The following SATB2 variants were observed in gnomAD, a reference collection of about 807,000 sequenced individuals.
SATB2 encodes DNA-binding protein SATB2.
A neutral mutation model predicts 73.4 loss-of-function variants in SATB2; 1 was observed. That is an observed-to-expected ratio of 0.01 (90% CI 0.00 to 0.06). The LOEUF (loss-of-function observed/expected upper bound fraction) is 0.06. SATB2 is among the 10% of genes least tolerant of loss of function. SATB2 has a pLI of 1.00. For missense variants in SATB2, 459 were observed against 945.8 expected, an observed-to-expected ratio of 0.49 and a Z score of 6.75; for synonymous variants, 397 against 367.0, an observed-to-expected ratio of 1.08 and a Z score of -0.93.
At chr2:199,303,010 C>A (rs1687330480) in intron 10 of SATB2, among the ~76,000 whole-genome samples, 1 of 152,168 alleles carries the variant, frequency 6.6e-6, no homozygotes, top group Non-Finnish European at 1.5e-5. Flanking sequence ...ACTCCCAGAA[C>A]TAGATCTGCT....
intron 3 of SATB2, among the ~76,000 whole-genome samples, chr2:199,390,807 A>G (rs1690108423): frequency 1.3e-5 from 2 of 152,134 alleles, no homozygotes; most frequent in African/African-American, 4.8e-5. Context: ...TCTAGGTTCA[A>G]TATCCCTGGA....
rs1270349343 is a variant in SATB2 at position 199,348,866 on chromosome 2, G to A, written c.1008C>T (p.Asn336=). Residue 336 remains asparagine (N), a synonymous_variant, in exon 7 of 11, where the codon AAC becomes AAT. Coordinates refer to ENST00000417098, the MANE Select transcript of SATB2 (RefSeq NM_001172509.2). The stretch of plus-strand genomic sequence containing the variant: ...TGGGTGGATGGTTCAGGAACTGCTG[G>A]TTGATGGCTTGAGGATGCTGGTGAG... The part of the protein sequence containing the change: ...LLAHQHPQAI[N]QQFLNHPPIP... 1.2e-6 allele frequency: 2 copies of A among 1,614,162 alleles called. No individual in the cohort carries two copies. The highest frequency in any genetic ancestry group is 3.3e-5 in the Admixed American group (2 of 60,022).
In SATB2 at chr2:199,463,308, G is replaced by C. The variant is rs949882211; in HGVS notation, c.-141+1528C>G. The stretch of plus-strand genomic sequence containing the variant: ...TAAACCGGGACAACAAGGCAAGGGT[G>C]GGGGAAGAAAAGGAAGCGCCGAAGG... On this transcript the variant is annotated intron_variant, in intron 1 of 11. Transcript: ENST00000260926. This position sits in a 1 kb window ranked among gnomAD's most constrained non-coding sequence, Gnocchi z 6.4. Among the ~76,000 whole-genome samples the C allele has an allele frequency of 6.6e-6, 1 of 152,226 alleles. No individual in the cohort carries two copies. Among genetic ancestry groups the C allele is most frequent in the South Asian group, 2.1e-4 (1 of 4,832 alleles).
intron 7 of SATB2, among the ~76,000 whole-genome samples, chr2:199,334,764 AGTG>A (rs1262892608): frequency 6.6e-6 from 1 of 152,152 alleles, no homozygotes; most frequent in Non-Finnish European, 1.5e-5. Flanking sequence ...CTTAAATTTC[AGTG>A]GTCAATTCAG....
chr2:199,438,934 C>CA (rs942743167), intron 2 of SATB2, among the ~76,000 whole-genome samples: 5 of 152,226 alleles, frequency 3.3e-5, no homozygotes, highest in Non-Finnish European at 7.3e-5. Flanking sequence ...AGCTCTAAAT[C>CA]CCAAGCAGGC....
intron 6 of SATB2, among the ~76,000 whole-genome samples, chr2:199,363,975 T>A (rs1381719327): frequency 6.6e-6 from 1 of 152,132 alleles, no homozygotes; most frequent in African/African-American, 2.4e-5. Flanking sequence ...AAAAGTAAGT[T>A]ACTTTTACCT....
chr2:199,390,256 T>C (rs914020097), intron 3 of SATB2, among the ~76,000 whole-genome samples: 1 of 152,180 alleles, frequency 6.6e-6, no homozygotes, highest in Non-Finnish European at 1.5e-5. Context: ...TGTTTAGTTA[T>C]TTATTTCATA....
intron 7 of SATB2, among the ~76,000 whole-genome samples, chr2:199,342,509 C>G (rs2105814528): frequency 6.6e-6 from 1 of 151,440 alleles, no homozygotes; most frequent in East Asian, 1.9e-4. Context: ...ATGGCACAGA[C>G]AGGACACAAG....
intron 2 of SATB2, among the ~76,000 whole-genome samples, chr2:199,435,362 CTT>C (rs756333310): frequency 1.4e-5 from 2 of 145,932 alleles, no homozygotes; most frequent in African/African-American, 5.0e-5. Flanking sequence ...TTCAAATTAT[CTT>C]TTTTTTTTTT....
rs748489700 is a variant in SATB2 at position 199,272,201 on chromosome 2, G to A, written c.*10C>T. The A allele has an allele frequency of 2.5e-6, 4 of 1,611,370 alleles. No individual in the cohort carries two copies. The African/African-American group carries it at 5.3e-5, about 22-fold the overall frequency. On this transcript the variant is annotated 3_prime_UTR_variant, in exon 11 of 11. Coordinates refer to ENST00000417098, the MANE Select transcript of SATB2 (RefSeq NM_001172509.2). The surrounding 1 kb of genome is among the most constrained non-coding windows in gnomAD (Gnocchi z 6.7). Reference sequence around the variant, plus strand: ...GACCGATGTATTGCTTTGCCTAGTAGAAGTTCACATTATCTCTGGTCAATT... The same window carrying A: ...GACCGATGTATTGCTTTGCCTAGTAAAAGTTCACATTATCTCTGGTCAATT...
At chr2:199,356,225 C>CAAAAAAAAAAA (rs200509001) in intron 6 of SATB2, among the ~76,000 whole-genome samples, 3 of 100,974 alleles carry the variant, frequency 3.0e-5, no homozygotes, top group Admixed American at 1.1e-4. Flanking sequence ...GAACATAAGC[C>CAAAAAAAAAAA]AAAAAAAAAA....
intron 10 of SATB2, among the ~76,000 whole-genome samples, chr2:199,284,725 C>A (rs1226285605): frequency 6.6e-6 from 1 of 151,570 alleles, no homozygotes; most frequent in Middle Eastern, 3.2e-3. Flanking sequence ...TTATAGTTGG[C>A]CCACCATATC....
chr2:199,397,790 G>C lies in SATB2; in HGVS notation c.347-15970C>G, dbSNP rs555669396. On this transcript the variant is annotated intron_variant, in intron 3 of 10. Transcript: ENST00000417098. Reference sequence around the variant, plus strand: ...TGGATTTCCAGCTACTCCGGAGGCTGAGGTGGGAGGATCCCTTAAATCCAG... The same window carrying C: ...TGGATTTCCAGCTACTCCGGAGGCTCAGGTGGGAGGATCCCTTAAATCCAG... The C allele has an allele frequency of 1.2e-5, 5 of 422,992 alleles. No homozygotes were observed. In the East Asian group the frequency reaches 4.4e-4, roughly 37 times the overall value. The allele number at this position is 422,992 out of a possible 1,614,324, so 26.2% of individuals were successfully genotyped here.
rs74836033 is a variant in SATB2 at position 199,307,058 on chromosome 2, G to A, written c.1740+1702C>T. ...CCCTGAAGCAAGTCCTTGGCCTTGTGTTGGTTCAAGATAGAAGTCTAATCC... is the reference window on the plus strand; with the variant it reads ...CCCTGAAGCAAGTCCTTGGCCTTGTATTGGTTCAAGATAGAAGTCTAATCC... On this transcript the variant is annotated intron_variant, in intron 10 of 10. Transcript: ENST00000417098. 7.8e-3 allele frequency among the ~76,000 whole-genome samples: 1,192 copies of A among 152,090 alleles called. 13 individuals carry two copies. The highest frequency in any genetic ancestry group is 0.026 in the African/African-American group (1,084 of 41,488).
At chr2:199,309,497 A>G (rs1197425318) in intron 9 of SATB2, among the ~76,000 whole-genome samples, 1 of 152,242 alleles carries the variant, frequency 6.6e-6, no homozygotes, top group East Asian at 1.9e-4. Context: ...TATTTGCTCA[A>G]TCTCTGAATA....
chr2:199,438,245 A>T (rs1007153038), intron 2 of SATB2, among the ~76,000 whole-genome samples: 9 of 152,260 alleles, frequency 5.9e-5, no homozygotes, highest in South Asian at 4.1e-4. Flanking sequence ...AAAATTATAC[A>T]TGTGGCTTGT....
intron 7 of SATB2, chr2:199,329,215 G>C (rs1439027217): frequency 2.5e-6 from 1 of 405,864 alleles, no homozygotes; most frequent in African/African-American, 2.0e-5. Flanking sequence ...ATTACCACCA[G>C]GTGCCTCCTA....
rs148089469 is a variant in SATB2 at position 199,332,438 on chromosome 2, A to G, written c.1174-3528T>C. ...TTGCAAGCTTCATATAATTTCCAGGACCACCAAAGAATACATGAGTTTGGC... is the reference window on the plus strand; with the variant it reads ...TTGCAAGCTTCATATAATTTCCAGGGCCACCAAAGAATACATGAGTTTGGC... On this transcript the variant is annotated intron_variant, in intron 7 of 10. Transcript: ENST00000417098. 4.2e-4 allele frequency among the ~76,000 whole-genome samples: 64 copies of G among 152,228 alleles called. 1 individual carries two copies. The highest frequency in any genetic ancestry group is 1.5e-3 in the African/African-American group (62 of 41,548).
chr2:199,389,799 TTA>T (rs1224788267), intron 3 of SATB2, among the ~76,000 whole-genome samples: 2 of 152,192 alleles, frequency 1.3e-5, no homozygotes, highest in African/African-American at 2.4e-5. Flanking sequence ...AAAATTAATT[TTA>T]GAGTACTTTC....
Sources: allele counts gnomAD v4.1 joint callset (sites outside exome capture counted in the v4.1 genomes callset), GRCh38; gene constraint gnomAD v4.1.1; non-coding constraint Gnocchi (gnomAD v3.1); transcripts MANE v1.5; gene names NCBI Gene and HGNC (gene_info 2026-07-23, HGNC 2026-07-21).